FBN2: variants seen among roughly 807,000 people sequenced by gnomAD.
FBN2 encodes fibrillin-2.
Under a neutral mutation model 355.6 loss-of-function variants are expected in FBN2, and 105 were observed. That is an observed-to-expected ratio of 0.30 (90% CI 0.25 to 0.35). FBN2 has a LOEUF of 0.35. FBN2 is among the 10% of genes least tolerant of loss of function. The pLI is 1.00. For missense variants in FBN2, 3,280 were observed against 3,758.7 expected (o/e 0.87, Z 3.33); for synonymous variants, 1,350 against 1,301.2 (o/e 1.04, Z -0.81).
At chr5:128,488,991 T>C (rs1319910894) in intron 5 of FBN2, among the ~76,000 whole-genome samples, 1 of 152,168 alleles carries the variant, frequency 6.6e-6, no homozygotes, top group Non-Finnish European at 1.5e-5. Flanking sequence ...AGCAGCATGA[T>C]TTATAGTCCT....
At chr5:128,264,335 A>T (rs1290119632) in intron 62 of FBN2, among the ~76,000 whole-genome samples, 1 of 9,670 alleles carries the variant, frequency 1.0e-4, no homozygotes, top group African/African-American at 1.1e-3. Context: ...AATCAGTTGA[A>T]CGAACAACTA....
intron 7 of FBN2, among the ~76,000 whole-genome samples, chr5:128,431,721 T>A (rs1410531826): frequency 6.6e-6 from 1 of 152,166 alleles, no homozygotes; most frequent in Non-Finnish European, 1.5e-5. Context: ...TGGGGCATTA[T>A]TAAGTAAAAT....
intron 7 of FBN2, among the ~76,000 whole-genome samples, chr5:128,425,016 C>CTT (rs11325028): frequency 6.9e-6 from 1 of 144,036 alleles, no homozygotes; most frequent in African/African-American, 2.5e-5. Flanking sequence ...TTTCCTTTTC[C>CTT]TTTTTTTTTT....
At chr5:128,294,891 TGG>T (rs1225053566) in intron 48 of FBN2, among the ~76,000 whole-genome samples, 1 of 61,524 alleles carries the variant, frequency 1.6e-5, no homozygotes, top group Non-Finnish European at 3.0e-5. Context: ...TTTGGTGTTT[TGG>T]ACATGACGTC....
chr5:128,362,328 T>C (rs1052802819), intron 18 of FBN2, among the ~76,000 whole-genome samples: 5 of 152,228 alleles, frequency 3.3e-5, no homozygotes, highest in Non-Finnish European at 7.3e-5. Flanking sequence ...AAGACATTCA[T>C]TAATCTTTTC....
intron 59 of FBN2, among the ~76,000 whole-genome samples, chr5:128,275,282 G>A (rs1765363099): frequency 6.6e-6 from 1 of 151,956 alleles, no homozygotes; most frequent in Non-Finnish European, 1.5e-5. Context: ...TACCACATAA[G>A]ATGTAGGCAA....
intron 6 of FBN2, among the ~76,000 whole-genome samples, chr5:128,463,001 T>C (rs960678778): frequency 2.0e-5 from 3 of 151,978 alleles, no homozygotes; most frequent in Admixed American, 6.6e-5. Flanking sequence ...CAAAAGAGAA[T>C]TAAAAACAAC....
chr5:128,404,401 T>C (rs901489802), intron 8 of FBN2, among the ~76,000 whole-genome samples: 1 of 152,194 alleles, frequency 6.6e-6, no homozygotes, highest in Non-Finnish European at 1.5e-5. Context: ...TTGTTCCTAG[T>C]GTTCAGGATG....
chr5:128,349,667 C>G (rs958176216), intron 22 of FBN2, among the ~76,000 whole-genome samples, 195 bp from the exon 23 acceptor site: 5 of 152,220 alleles, frequency 3.3e-5, no homozygotes, highest in African/African-American at 4.8e-5. Context: ...ACAGCCTTGC[C>G]TGTCCATAAA....
At chr5:128,430,106 C>T (rs1753582342) in intron 7 of FBN2, among the ~76,000 whole-genome samples, 1 of 152,014 alleles carries the variant, frequency 6.6e-6, no homozygotes, top group Non-Finnish European at 1.5e-5. Flanking sequence ...AGGTGTTAGC[C>T]ATTTTCTTTA....
chr5:128,342,806 A>T (rs1431617454), intron 25 of FBN2, among the ~76,000 whole-genome samples: 1 of 151,284 alleles, frequency 6.6e-6, no homozygotes, highest in Non-Finnish European at 1.5e-5. Flanking sequence ...TCGGCTCACC[A>T]AAACCTCCGC....
At chr5:128,361,880 A>G (rs1372145974) in intron 18 of FBN2, 32 bp from the exon 19 acceptor site, 2 of 1,609,534 alleles carry the variant, frequency 1.2e-6, no homozygotes, top group African/African-American at 1.3e-5. Flanking sequence ...TAGGAGATAC[A>G]CATATTTAAG....
chr5:128,344,958 C>T (rs1007692280), intron 24 of FBN2, among the ~76,000 whole-genome samples: 1 of 152,152 alleles, frequency 6.6e-6, no homozygotes, highest in Admixed American at 6.5e-5. Context: ...ACCTCAGCCT[C>T]CCAAAGTGCT....
intron 5 of FBN2, among the ~76,000 whole-genome samples, chr5:128,510,439 C>T (rs1417896857): frequency 6.6e-6 from 1 of 152,204 alleles, no homozygotes; most frequent in African/African-American, 2.4e-5. Flanking sequence ...AAGGTTCACA[C>T]TGTTGTTTCC....
In FBN2 at chr5:128,258,991, A is replaced by G. The variant is rs1251712553; in HGVS notation, c.*464T>C. 2 of 156,934 alleles carry G rather than the reference A, an allele frequency of 1.3e-5. No individual in the cohort carries two copies. The highest frequency in any genetic ancestry group is 6.2e-5 in the Admixed American group (1 of 16,118). 9.7% of individuals were successfully genotyped at this position (156,934 alleles called of 1,614,324 possible). On this transcript the variant is annotated 3_prime_UTR_variant, in exon 65 of 65. Coordinates refer to ENST00000262464, the MANE Select transcript of FBN2 (RefSeq NM_001999.4). The stretch of plus-strand genomic sequence containing the variant: ...ATAGCTCAAATTTATAAATCTAAAG[A>G]AAAACAAGTGAGTTTCCCTTTTTGT...
At chr5:128,445,851 A>G (rs1364529913) in intron 7 of FBN2, among the ~76,000 whole-genome samples, 2 of 152,160 alleles carry the variant, frequency 1.3e-5, no homozygotes, top group Non-Finnish European at 2.9e-5. Flanking sequence ...TAACAAATAA[A>G]TTTATTCTAT....
chr5:128,354,969 G>A (rs745733911), intron 20 of FBN2, among the ~76,000 whole-genome samples: 1 of 152,166 alleles, frequency 6.6e-6, no homozygotes, highest in Non-Finnish European at 1.5e-5. Flanking sequence ...TCAACACAGA[G>A]GCTCTCGAGG....
chr5:128,311,324 T>C lies in FBN2; in HGVS notation c.5050A>G (p.Ser1684Gly), dbSNP rs863223577. 4 of 1,614,160 alleles carry C rather than the reference T, an allele frequency of 2.5e-6. No homozygotes were observed. Among genetic ancestry groups the C allele is most frequent in the Middle Eastern group, 3.3e-4 (2 of 6,062 alleles). ...QCECPQGYYLSEDTRICEDID... is the reference protein window; with the variant it reads ...QCECPQGYYLGEDTRICEDID... ...CCTTCACAGATGCGGGTATCCTCGC[T>C]GAGGTAGTAGCCTTGTGGGCACTCA... is the stretch of plus-strand genomic sequence containing the variant. The change falls in exon 39 of 65, where the codon AGC (serine) becomes GGC (glycine). Residue 1684 changes from serine (S) to glycine (G), a missense_variant. Around this residue, in one of 6 missense-constraint regions of FBN2, gnomAD observed 2,284 missense variants for 2,749.5 expected, o/e 0.83. Transcript: ENST00000262464.
At chr5:128,531,003 C>A (rs1756685882) in intron 2 of FBN2, among the ~76,000 whole-genome samples, 2 of 152,244 alleles carry the variant, frequency 1.3e-5, no homozygotes, top group African/African-American at 4.8e-5. Context: ...AATACCACTA[C>A]TGGGTATCTA....
Sources: gnomAD v4.1 joint callset for allele counts (sites outside exome capture counted in the v4.1 genomes callset) on GRCh38, gnomAD v4.1.1 for gene constraint, gnomAD v4.1.1 regional missense constraint, MANE v1.5 for transcripts, NCBI Gene and HGNC (gene_info 2026-07-23, HGNC 2026-07-21) for gene names.